The following CTNND2 variants were observed in gnomAD, a reference collection of about 807,000 sequenced individuals.
CTNND2 encodes catenin delta 2.
CTNND2 carries 22 observed loss-of-function variants against 144.4 expected under a neutral mutation model. That is an observed-to-expected ratio of 0.15 (90% confidence interval 0.11 to 0.22). The LOEUF (loss-of-function observed/expected upper bound fraction) is 0.22, where lower values mean the gene tolerates loss of function less well. CTNND2 is among the 10% of genes least tolerant of loss of function. The pLI is 1.00. For synonymous variants in CTNND2, 751 were observed against 695.6 expected, an observed-to-expected ratio of 1.08 and a Z score of -1.25; for missense variants, 1,353 against 1,618.8, an observed-to-expected ratio of 0.84 and a Z score of 2.82.
At chr5:11,279,004 A>T (rs762449833) in intron 9 of CTNND2, among the ~76,000 whole-genome samples, 6 of 152,144 alleles carry the variant, frequency 3.9e-5, no homozygotes, top group Non-Finnish European at 8.8e-5. Flanking sequence ...CTTTAAGTAG[A>T]CTAGCGTATA....
intron 15 of CTNND2, among the ~76,000 whole-genome samples, chr5:11,095,996 A>G (rs1398636624): frequency 6.6e-6 from 1 of 151,996 alleles, no homozygotes; most frequent in Admixed American, 6.6e-5. Context: ...GTTTACACAT[A>G]TATGAGGTCA....
In CTNND2 at chr5:11,853,756, C is replaced by A. The variant is rs559371586; in HGVS notation, c.37+50061G>T. 2.6e-5 allele frequency among the ~76,000 whole-genome samples: 4 copies of A among 152,330 alleles called. No homozygotes were observed. The East Asian group carries it at 7.7e-4, about 29-fold the overall frequency. ...GCAGTCACTCTTAACTCAGCCTTTT[C>A]TCTCCCATTGTACACCTAATCCACC... is the stretch of plus-strand genomic sequence containing the variant. On this transcript the variant is annotated intron_variant, in intron 1 of 21. Coordinates refer to ENST00000304623, the MANE Select transcript of CTNND2 (RefSeq NM_001332.4).
chr5:11,274,536 A>T (rs1368880675), intron 9 of CTNND2, among the ~76,000 whole-genome samples: 1 of 152,134 alleles, frequency 6.6e-6, no homozygotes, highest in Non-Finnish European at 1.5e-5. Flanking sequence ...ATTAGAAAAT[A>T]AAACAAATAA....
chr5:11,554,044 C>G (rs1469911100), intron 3 of CTNND2, among the ~76,000 whole-genome samples: 2 of 152,034 alleles, frequency 1.3e-5, no homozygotes, highest in Admixed American at 1.3e-4. Context: ...ATTCTTTGAA[C>G]AGCTGACTAT....
intron 1 of CTNND2, among the ~76,000 whole-genome samples, chr5:11,825,953 C>T (rs1163716774): frequency 1.3e-5 from 2 of 151,848 alleles, no homozygotes; most frequent in Non-Finnish European, 2.9e-5. Flanking sequence ...AAATACTGAG[C>T]CATTTTCTTG....
At chr5:10,994,832 T>C (rs1162669230) in intron 18 of CTNND2, among the ~76,000 whole-genome samples, 5 of 152,114 alleles carry the variant, frequency 3.3e-5, no homozygotes, top group African/African-American at 9.7e-5. Flanking sequence ...AGAGGAGAGA[T>C]GGCCCAGGCT....
chr5:11,079,778 A>G (rs541494912), intron 16 of CTNND2, among the ~76,000 whole-genome samples: 1 of 152,304 alleles, frequency 6.6e-6, no homozygotes, highest in South Asian at 2.1e-4. Flanking sequence ...TAAACTGGAT[A>G]TCCACATATG....
At chr5:11,173,741 T>G (rs1423494499) in intron 11 of CTNND2, among the ~76,000 whole-genome samples, 1 of 152,234 alleles carries the variant, frequency 6.6e-6, no homozygotes, top group South Asian at 2.1e-4. Context: ...AAATCTTTTA[T>G]TAAAACTTAA....
At chr5:10,993,078 C>A (rs1214010315) in intron 18 of CTNND2, among the ~76,000 whole-genome samples, 1 of 152,152 alleles carries the variant, frequency 6.6e-6, no homozygotes, top group Non-Finnish European at 1.5e-5. Flanking sequence ...CAAGGGTTTA[C>A]CCCTTTGCTC....
intron 3 of CTNND2, among the ~76,000 whole-genome samples, chr5:11,489,126 A>G (rs1324166630): frequency 6.6e-6 from 1 of 152,164 alleles, no homozygotes; most frequent in Non-Finnish European, 1.5e-5. Flanking sequence ...GAAATTGCCA[A>G]ACTGTTTTCC....
intron 9 of CTNND2, among the ~76,000 whole-genome samples, chr5:11,340,652 G>A (rs1754164918): frequency 1.3e-5 from 2 of 152,292 alleles, no homozygotes; most frequent in South Asian, 4.1e-4. Context: ...ATGTTAAAAA[G>A]AAAATTCCAG....
intron 1 of CTNND2, among the ~76,000 whole-genome samples, chr5:11,875,591 T>G (rs1446710620): frequency 6.6e-6 from 1 of 152,210 alleles, no homozygotes; most frequent in East Asian, 1.9e-4. Flanking sequence ...GATGGGATTT[T>G]ACCGTCCGTA....
At chr5:11,451,983 G>A (rs1485004460) in intron 3 of CTNND2, among the ~76,000 whole-genome samples, 1 of 152,208 alleles carries the variant, frequency 6.6e-6, no homozygotes, top group Non-Finnish European at 1.5e-5. Flanking sequence ...TTCCCCAACA[G>A]TGGTACATAC....
At chr5:11,632,278 T>A (rs1246590370) in intron 2 of CTNND2, among the ~76,000 whole-genome samples, 1 of 151,938 alleles carries the variant, frequency 6.6e-6, no homozygotes, top group Non-Finnish European at 1.5e-5. Flanking sequence ...CATAGGGGGA[T>A]GAAAAATAAA....
At chr5:11,108,577 T>C (rs983469195) in intron 14 of CTNND2, among the ~76,000 whole-genome samples, 1 of 152,246 alleles carries the variant, frequency 6.6e-6, no homozygotes, top group Admixed American at 6.5e-5. Flanking sequence ...CTGTTTGAAT[T>C]GATAGGTTTG....
intron 6 of CTNND2, among the ~76,000 whole-genome samples, chr5:11,393,289 G>A (rs1306772377): frequency 6.6e-6 from 1 of 152,160 alleles, no homozygotes; most frequent in Middle Eastern, 3.2e-3. Context: ...CTTACAGCAA[G>A]CAGGCCATTT....
intron 1 of CTNND2, among the ~76,000 whole-genome samples, chr5:11,872,888 T>C (rs1207407831): frequency 9.9e-5 from 15 of 152,100 alleles, no homozygotes. Context: ...ACTAAAACCA[T>C]AAAAACCCTA....
At chr5:10,985,636 T>A (rs1489702827) in intron 20 of CTNND2, among the ~76,000 whole-genome samples, 1 of 152,242 alleles carries the variant, frequency 6.6e-6, no homozygotes, top group Non-Finnish European at 1.5e-5. Context: ...ACAAGGAAGA[T>A]GGCAGTTTTT....
chr5:11,364,980 A>G, intron 7 of CTNND2, 90 bp from the exon 8 acceptor site: 1 of 1,082,468 alleles, frequency 9.2e-7, no homozygotes, highest in Non-Finnish European at 1.3e-6. Flanking sequence ...TTTTTTGGAC[A>G]AAATTGTTGA....
Sources: gnomAD v4.1 joint callset for allele counts (sites outside exome capture counted in the v4.1 genomes callset) on GRCh38, gnomAD v4.1.1 for gene constraint, MANE v1.5 for transcripts, NCBI Gene and HGNC (gene_info 2026-07-23, HGNC 2026-07-21) for gene names.